Variants in FGF13 observed in about 807,000 individuals in gnomAD.
The protein encoded by FGF13 is fibroblast growth factor 13, also known as fibroblast growth factor homologous factor 2.
Under a neutral mutation model 19.5 loss-of-function variants are expected in FGF13, and 2 were observed. The ratio of observed to expected loss-of-function variants is 0.10; its 90% CI spans 0.04 to 0.32. The LOEUF (loss-of-function observed/expected upper bound fraction) is 0.32. FGF13 is among the 10% of genes least tolerant of loss of function. FGF13 has a pLI of 1.00. For missense variants in FGF13, 113 were observed against 192.7 expected (o/e 0.59, Z 2.45); for synonymous variants, 72 against 76.9 (o/e 0.94, Z 0.33).
At chrX:139,085,129 T>C (rs5974794) in intron 1 of FGF13, among the ~76,000 whole-genome samples, 3,125 of 111,822 alleles carry the variant, frequency 0.028, 100 homozygotes, top group African/African-American at 0.095. Flanking sequence ...CCATGTTGCT[T>C]CCTTACTGTT....
At chrX:138,885,040 T>G (rs2091444983) in intron 1 of FGF13, among the ~76,000 whole-genome samples, 3 of 112,394 alleles carry the variant, frequency 2.7e-5, no homozygotes, top group Non-Finnish European at 5.6e-5. Context: ...TAATAAAATA[T>G]AACTCAAAGT....
At chrX:138,762,457 A>G (rs2090474587) in intron 3 of FGF13, among the ~76,000 whole-genome samples, 1 of 112,552 alleles carries the variant, frequency 8.9e-6, no homozygotes, top group South Asian at 3.7e-4. Context: ...GACTGTTTAG[A>G]CAAAGAAGAA....
intron 3 of FGF13, among the ~76,000 whole-genome samples, chrX:138,660,167 T>C (rs1202452753): frequency 8.9e-6 from 1 of 112,146 alleles, no homozygotes; most frequent in Non-Finnish European, 1.9e-5. Context: ...ATGCTTGAAG[T>C]GTTCATTTCT....
chrX:138,803,733 G>A (rs1400736093), intron 3 of FGF13, among the ~76,000 whole-genome samples: 2 of 112,105 alleles, frequency 1.8e-5, no homozygotes, highest in East Asian at 5.6e-4. Context: ...GAATCTCTTG[G>A]CTACTACAGC....
chrX:139,178,772 A>C (rs2084213960), intron 1 of FGF13, among the ~76,000 whole-genome samples: 1 of 112,098 alleles, frequency 8.9e-6, no homozygotes, highest in East Asian at 2.8e-4. Context: ...GGTCTATAAT[A>C]ATAATTTTGG....
intron 3 of FGF13, among the ~76,000 whole-genome samples, chrX:138,671,713 A>G (rs2089613623): frequency 9.0e-6 from 1 of 111,388 alleles, no homozygotes; most frequent in Non-Finnish European, 1.9e-5. Context: ...TTTATACTCT[A>G]CTGTGCATAC....
At chrX:139,204,867 A>G (rs1323788054), upstream of FGF13, 4 of 110,817 alleles carry the variant, frequency 3.6e-5, no homozygotes, top group Non-Finnish European at 7.6e-5. Flanking sequence ...TATTTTGCCA[A>G]AAAGGGGGCC....
chrX:138,969,865 A>T (rs1197392692), intron 1 of FGF13, among the ~76,000 whole-genome samples: 5 of 111,775 alleles, frequency 4.5e-5, no homozygotes, highest in African/African-American at 1.6e-4. Flanking sequence ...AAATCAATCA[A>T]ATCTGTTTTT....
chrX:139,194,513 A>G (rs1240775626), intron 1 of FGF13, among the ~76,000 whole-genome samples: 3 of 112,558 alleles, frequency 2.7e-5, no homozygotes, highest in East Asian at 5.6e-4. Context: ...TTGAGCAGCT[A>G]AAGTCAAATT....
chrX:138,702,768 AT>A (rs1418667162), intron 3 of FGF13, among the ~76,000 whole-genome samples: 5 of 112,660 alleles, frequency 4.4e-5, no homozygotes, highest in Non-Finnish European at 9.4e-5. Context: ...TGTTCAGTGA[AT>A]CTTTGATTAT....
intron 3 of FGF13, among the ~76,000 whole-genome samples, chrX:138,800,224 T>G (rs930104153): frequency 8.9e-6 from 1 of 112,033 alleles, no homozygotes; most frequent in African/African-American, 3.2e-5. Flanking sequence ...GTTTTTCCTT[T>G]CCATATTTAG....
chrX:139,016,226 G>A (rs1204963504), intron 1 of FGF13, among the ~76,000 whole-genome samples: 1 of 111,732 alleles, frequency 8.9e-6, no homozygotes, highest in African/African-American at 3.3e-5. Context: ...TGTGAATTAT[G>A]TGAAACTAGG....
chrX:138,647,153 A>G (rs890750381), intron 3 of FGF13, among the ~76,000 whole-genome samples: 2 of 108,015 alleles, frequency 1.9e-5, no homozygotes, highest in Non-Finnish European at 3.8e-5. Context: ...TAGAGGAGCC[A>G]AACAGAGGAG....
intron 1 of FGF13, among the ~76,000 whole-genome samples, chrX:138,963,918 G>C (rs1034108294): frequency 2.7e-5 from 3 of 112,036 alleles, no homozygotes; most frequent in Non-Finnish European, 1.9e-5. Context: ...AATGGGGACA[G>C]TAATACTGCA....
Position 138,711,669 on chromosome X carries a change from C to T in FGF13, c.-666G>A, listed in dbSNP as rs1468473871. 1.7e-5 allele frequency: 13 copies of T among 753,197 alleles called. No homozygotes were observed. Among genetic ancestry groups the T allele is most frequent in the East Asian group, 3.1e-4 (2 of 6,510 alleles). 62.1% of individuals were successfully genotyped at this position (753,197 alleles called of 1,213,427 possible). ...GCTGCTGCTCTGGGCGCGGCACAGT[C>T]GCAGCACAGGAATTCAGCCGCCGCA... On this transcript the variant is annotated 5_prime_UTR_variant, in exon 1 of 5. Coordinates refer to ENST00000315930, the MANE Select transcript of FGF13 (RefSeq NM_004114.5).
intron 1 of FGF13, among the ~76,000 whole-genome samples, chrX:138,999,844 G>C (rs954389716): frequency 5.4e-5 from 6 of 111,955 alleles, no homozygotes; most frequent in Non-Finnish European, 1.1e-4. Flanking sequence ...TATGAGGCCA[G>C]CATGATCCTG....
chrX:138,691,246 A>AC (rs2089835810), intron 3 of FGF13, among the ~76,000 whole-genome samples: 1 of 111,745 alleles, frequency 8.9e-6, no homozygotes, highest in Non-Finnish European at 1.9e-5. Context: ...CACGTTAATT[A>AC]CAGTGAATCA....
intron 1 of FGF13, among the ~76,000 whole-genome samples, chrX:139,081,724 C>CTCTCTTTCTCTCTCTCTG (rs2083371969): frequency 9.5e-6 from 1 of 105,294 alleles, no homozygotes; most frequent in Non-Finnish European, 2.0e-5. Flanking sequence ...TTCTTAATTC[C>CTCTCTTTCTCTCTCTCTG]TCTCTCTCTC....
chrX:138,958,793 T>C (rs2091854626), intron 1 of FGF13, among the ~76,000 whole-genome samples: 1 of 111,965 alleles, frequency 8.9e-6, no homozygotes, highest in African/African-American at 3.3e-5. Flanking sequence ...TTCTAGATTT[T>C]CTAGTTTATT....
Sources: gnomAD v4.1 joint callset for allele counts (sites outside exome capture counted in the v4.1 genomes callset) on GRCh38, gnomAD v4.1.1 for gene constraint, MANE v1.5 for transcripts, NCBI Gene and HGNC (gene_info 2026-07-23, HGNC 2026-07-21) for gene names.